ACTR8: variants seen among roughly 807,000 people sequenced by gnomAD.
ACTR8 encodes actin related protein 8, also known as actin-related protein 8.
In ACTR8, 70 loss-of-function variants were observed where a neutral mutation model predicts 84.3. The observed-to-expected ratio is 0.83, with a 90% CI of 0.68 to 1.01. ACTR8 has a LOEUF of 1.01. Among genes scored for constraint, ACTR8 ranks in the 50% least tolerant of loss-of-function variants. The probability of loss-of-function intolerance (pLI) is 0.00; values close to 1 mark genes in which losing one functional copy is unlikely to be tolerated. For synonymous variants in ACTR8, 268 were observed against 275.2 expected (o/e 0.97, Z 0.26); for missense variants, 672 against 775.4 (o/e 0.87, Z 1.58).
At chr3:53,865,174 GCT>G (rs1442862793), downstream of ACTR8, 2 of 1,614,104 alleles carry the variant, frequency 1.2e-6, no homozygotes, top group Non-Finnish European at 1.7e-6. Context: ...CGATTACAAT[GCT>G]CTCAGTGTCT....
In ACTR8 at chr3:53,870,183, C is replaced by T; in HGVS notation, c.1568-38G>A. On this transcript the variant is annotated intron_variant, in intron 11 of 12. Coordinates refer to ENST00000335754, the MANE Select transcript of ACTR8 (RefSeq NM_022899.5). The surrounding 1 kb of genome is among the most constrained non-coding windows in gnomAD (Gnocchi z 4.1). Reference sequence around the variant, plus strand: ...TTGACATCCTCCATGCTTTTTTCTCCACATCCATAATTCTAGGCCAAGCCA... The same window carrying T: ...TTGACATCCTCCATGCTTTTTTCTCTACATCCATAATTCTAGGCCAAGCCA... The T allele has an allele frequency of 1.9e-6, 3 of 1,600,286 alleles. No individual in the cohort carries two copies. Among genetic ancestry groups the T allele is most frequent in the African/African-American group, 1.3e-5 (1 of 74,648 alleles).
chr3:53,876,616 A>G lies in ACTR8; in HGVS notation c.778+4T>C, dbSNP rs768301685. 3.3e-6 allele frequency: 5 copies of G among 1,532,014 alleles called. No individual in the cohort carries two copies. The highest frequency in any genetic ancestry group is 4.5e-6 in the Non-Finnish European group (5 of 1,114,868). 94.9% of individuals were successfully genotyped at this position (1,532,014 alleles called of 1,614,324 possible). ...AATAGGTTTCACTGGGATATCAGAC[A>G]TACCTGAAAAACCCATCTTCATTAG... On this transcript the variant is annotated splice_donor_region_variant and intron_variant, in intron 6 of 12. Coordinates refer to ENST00000335754, the MANE Select transcript of ACTR8 (RefSeq NM_022899.5).
Position 53,876,696 on chromosome 3 carries a change from C to A in ACTR8, c.702G>T (p.Leu234Phe), listed in dbSNP as rs1349294491. The A allele has an allele frequency of 6.7e-7, 1 of 1,502,846 alleles. No homozygotes were observed. Among genetic ancestry groups the A allele is most frequent in the Non-Finnish European group, 9.2e-7 (1 of 1,090,064 alleles). The allele number at this position is 1,502,846 out of a possible 1,614,324, so 93.1% of individuals were successfully genotyped here. The change falls in exon 6 of 13, where the codon TTG becomes TTT. Residue 234 changes from leucine to phenylalanine, a missense_variant. By Grantham distance (22) the Leu-to-Phe change is conservative. Transcript: ENST00000335754. ...GCTTATTATAGATATCAGGAATTAA[C>A]AAGATACATCTATAATACTAAAAAG... ...LKDLKYYRCI[L>F]LIPDIYNKQH...
At position 53,876,088 on chromosome 3, in the gene ACTR8, G is replaced by C. The variant is rs376994512; in HGVS notation, c.779-8C>G. 4 of 1,582,602 alleles carry C rather than the reference G, an allele frequency of 2.5e-6. No homozygotes were observed. Among genetic ancestry groups the C allele is most frequent in the South Asian group, 1.1e-5 (1 of 90,016 alleles). On this transcript the variant is annotated splice_polypyrimidine_tract_variant and splice_region_variant and intron_variant, in intron 6 of 12. Coordinates refer to ENST00000335754, the MANE Select transcript of ACTR8 (RefSeq NM_022899.5). ...CCTGATGGACCACAATCCCTGGGGG[G>C]GGAAAAGAAAAGGCAGAGTAGTCAT...
At chr3:53,869,438 A>G (rs1022181617) in intron 12 of ACTR8, among the ~76,000 whole-genome samples, 1 of 152,224 alleles carries the variant, frequency 6.6e-6, no homozygotes, top group African/African-American at 2.4e-5. Context: ...TAAATGACTT[A>G]CTTATTTCGC....
chr3:53,860,073 A>G, the ACTR8 span: 1 of 1,165,420 alleles, frequency 8.6e-7, no homozygotes, highest in Non-Finnish European at 1.3e-6. Context: ...TAGTTTTTAA[A>G]TTAAGAGATA....
Position 53,871,480 on chromosome 3 carries a change from G to C in ACTR8, c.1319C>G (p.Ala440Gly), listed in dbSNP as rs1179448234. The stretch of plus-strand genomic sequence containing the variant: ...AGGTTTGGATGCAGACTTTCGGTCA[G>C]CAGTAGCTTTTGCAGACTTTAAATC... ...SKQEQSAKAT[A>G]DRKSASKPIG... Residue 440 changes from alanine to glycine, a missense_variant, in exon 11 of 13, where the codon GCT (alanine) becomes GGT (glycine). By Grantham distance (60) the Ala-to-Gly change is moderately conservative. Coordinates refer to ENST00000335754, the MANE Select transcript of ACTR8 (RefSeq NM_022899.5). The C allele has an allele frequency of 6.2e-7, 1 of 1,614,106 alleles. No individual in the cohort carries two copies. Among genetic ancestry groups the C allele is most frequent in the East Asian group, 2.2e-5 (1 of 44,878 alleles).
At chr3:53,880,360 G>A (rs950513933) in intron 1 of ACTR8, among the ~76,000 whole-genome samples, 6 of 152,136 alleles carry the variant, frequency 3.9e-5, no homozygotes, top group African/African-American at 1.4e-4. Flanking sequence ...AACAAAAATT[G>A]TCCACTACAA....
In ACTR8 at chr3:53,876,607, A is replaced by T; in HGVS notation, c.778+13T>A. 1 of 1,443,960 alleles carries T rather than the reference A, an allele frequency of 6.9e-7. No individual in the cohort carries two copies. Among genetic ancestry groups the T allele is most frequent in the East Asian group, 2.3e-5 (1 of 43,704 alleles). 89.4% of individuals were successfully genotyped at this position (1,443,960 alleles called of 1,614,324 possible). A position where few individuals can be genotyped will look rare whatever the true frequency, so the allele number is the denominator to read the frequency against. On this transcript the variant is annotated intron_variant, in intron 6 of 12. Transcript: ENST00000335754. Reference sequence around the variant, plus strand: ...TCCATTTAAAATAGGTTTCACTGGGATATCAGACATACCTGAAAAACCCAT... The same window carrying T: ...TCCATTTAAAATAGGTTTCACTGGGTTATCAGACATACCTGAAAAACCCAT...
the ACTR8 span, chr3:53,859,455 TG>T: frequency 2.6e-5 from 4 of 152,418 alleles, no homozygotes; most frequent in African/African-American, 9.6e-5. Flanking sequence ...AGCCCTGACT[TG>T]TGCGTGGGCG....
intron 8 of ACTR8, 144 bp from the exon 9 acceptor site, chr3:53,873,271 A>G (rs1699915873): frequency 2.1e-6 from 1 of 481,900 alleles, no homozygotes; most frequent in Admixed American, 3.4e-5. Flanking sequence ...ATAATTTAGT[A>G]AAATAGGAAT....
At chr3:53,871,631 C>A in intron 10 of ACTR8, 135 bp from the exon 11 acceptor site, 1 of 999,748 alleles carries the variant, frequency 1.0e-6, no homozygotes, top group Non-Finnish European at 1.5e-6. Flanking sequence ...GCCCAGCACC[C>A]ATTCCCAGGT....
chr3:53,875,901 T>G, intron 7 of ACTR8, 47 bp downstream of exon 7: 1 of 1,612,306 alleles, frequency 6.2e-7, no homozygotes, highest in South Asian at 1.1e-5. Flanking sequence ...GTTGAACAGA[T>G]TATGAGGGAA....
At chr3:53,864,472 T>G (rs918180989), downstream of ACTR8, among the ~76,000 whole-genome samples, 142 of 151,882 alleles carry the variant, frequency 9.3e-4, no homozygotes, top group Non-Finnish European at 1.6e-3. Flanking sequence ...GAGGCGGAGG[T>G]TGTAGTCAGC....
In ACTR8 at chr3:53,878,399, C is replaced by T; in HGVS notation, c.363G>A (p.Lys121=). Residue 121 remains lysine, a synonymous_variant, in exon 3 of 13, where the codon AAG becomes AAA. Transcript: ENST00000335754. The stretch of plus-strand genomic sequence containing the variant: ...GAATGCGTCTTGTACCATTGGACAT[C>T]TTTTTAGACCATATTGCTTGATCCA... ...KMVDQAIWSK[K]MSNGTRRIPV... 1 of 1,613,516 alleles carries T rather than the reference C, an allele frequency of 6.2e-7. No individual in the cohort carries two copies. The highest frequency in any genetic ancestry group is 8.5e-7 in the Non-Finnish European group (1 of 1,179,840).
Position 53,871,366 on chromosome 3 carries a change from C to G in ACTR8, c.1433G>C (p.Gly478Ala), listed in dbSNP as rs199775265. ...ATCGTTGCCGGCCATCAGGCCATCT[C>G]CCTGTGCAGACCCCAAATCTACCTC... ...SQEVDLGSAQGDGLMAGNDSE... is the reference protein window; with the variant it reads ...SQEVDLGSAQADGLMAGNDSE... Residue 478 changes from glycine (G) to alanine (A), a missense_variant, in exon 11 of 13, where the codon GGA (glycine) becomes GCA (alanine). By Grantham distance (60) the Gly-to-Ala change is moderately conservative. Coordinates refer to ENST00000335754, the MANE Select transcript of ACTR8 (RefSeq NM_022899.5). 72 of 1,614,234 alleles carry G rather than the reference C, an allele frequency of 4.5e-5. No homozygotes were observed. In the East Asian group the frequency reaches 1.5e-3, roughly 34 times the overall value.
rs1699873091 is a variant in ACTR8 at position 53,870,872 on chromosome 3, A to G, written c.1567+360T>C. Among the ~76,000 whole-genome samples, 4 of 152,144 alleles carry G rather than the reference A, an allele frequency of 2.6e-5. No individual in the cohort carries two copies. The South Asian group carries it at 8.4e-4, about 32-fold the overall frequency. On this transcript the variant is annotated intron_variant, in intron 11 of 12. Transcript: ENST00000335754. This position sits in a 1 kb window ranked among gnomAD's most constrained non-coding sequence, Gnocchi z 4.1. The stretch of plus-strand genomic sequence containing the variant: ...GCTTTCCCTGCCTCCCACCTTCCAT[A>G]CCATCCCCTAGTGAGTAAAGATTCT...
In ACTR8 at chr3:53,872,390, T is replaced by C; in HGVS notation, c.1296A>G (p.Gln432=). ...EHYLLATQSK[Q]EQSAKATADR... ...TACCAGAATTGCTACGGACCTGTTCTTGTTTGCTCTGTGTGGCCAGCAGGT... is the reference window on the plus strand; with the variant it reads ...TACCAGAATTGCTACGGACCTGTTCCTGTTTGCTCTGTGTGGCCAGCAGGT... The change falls in exon 10 of 13, where the codon CAA becomes CAG. Residue 432 remains glutamine (Q), a synonymous_variant. Coordinates refer to ENST00000335754, the MANE Select transcript of ACTR8 (RefSeq NM_022899.5). 4 of 1,598,580 alleles carry C rather than the reference T, an allele frequency of 2.5e-6. No homozygotes were observed. Among genetic ancestry groups the C allele is most frequent in the Non-Finnish European group, 3.4e-6 (4 of 1,174,816 alleles).
At position 53,870,627 on chromosome 3, in the gene ACTR8, G is replaced by A. The variant is rs535275989; in HGVS notation, c.1568-482C>T. The stretch of plus-strand genomic sequence containing the variant: ...AATCACGCCATTGCACTCTAGCCTG[G>A]GCAATGGAGTGAGACTCTGAAAAAT... On this transcript the variant is annotated intron_variant, in intron 11 of 12. Transcript: ENST00000335754. The surrounding 1 kb of genome is among the most constrained non-coding windows in gnomAD (Gnocchi z 4.1). Among the ~76,000 whole-genome samples, 7 of 151,786 alleles carry A rather than the reference G, an allele frequency of 4.6e-5. No homozygotes were observed. The South Asian group carries it at 1.3e-3, about 27-fold the overall frequency.
Sources: gnomAD v4.1 joint callset for allele counts (sites outside exome capture counted in the v4.1 genomes callset) on GRCh38, gnomAD v4.1.1 for gene constraint, Gnocchi (gnomAD v3.1) non-coding constraint, MANE v1.5 for transcripts, NCBI Gene and HGNC (gene_info 2026-07-23, HGNC 2026-07-21) for gene names.